The following SRGAP2B variants were observed in gnomAD, a reference collection of about 807,000 sequenced individuals.
The protein encoded by SRGAP2B is SLIT-ROBO Rho GTPase-activating protein 2B.
In SRGAP2B, 9 loss-of-function variants were observed where a neutral mutation model predicts 22.2. That is an observed-to-expected ratio of 0.41 (90% CI 0.24 to 0.71). The LOEUF (loss-of-function observed/expected upper bound fraction) is 0.71, where lower values mean the gene tolerates loss of function less well. Ranked by LOEUF, SRGAP2B falls within the 30% of genes least tolerant of loss-of-function variation. The pLI, the probability that SRGAP2B is intolerant of heterozygous loss-of-function variation, is 0.35. For missense variants in SRGAP2B, 114 were observed against 235.8 expected, an observed-to-expected ratio of 0.48 and a Z score of 3.38; for synonymous variants, 36 against 87.4, an observed-to-expected ratio of 0.41 and a Z score of 3.28.
In SRGAP2B at chr1:145,011,534, A is replaced by T. The variant is rs1424146604; in HGVS notation, c.68-16334T>A. ...CCTGAACCTGAACTCTTGACACCCCATCCTGACCACACCCCAGCACGTTCC... is the reference window on the plus strand; with the variant it reads ...CCTGAACCTGAACTCTTGACACCCCTTCCTGACCACACCCCAGCACGTTCC... On this transcript the variant is annotated intron_variant, in intron 2 of 9. Coordinates refer to ENST00000612199, the Ensembl canonical transcript of SRGAP2B. 5.3e-5 allele frequency among the ~76,000 whole-genome samples: 8 copies of T among 150,392 alleles called. 1 individual carries two copies. The highest frequency in any genetic ancestry group is 1.8e-4 in the African/African-American group (7 of 39,904).
chr1:144,921,024 G>A (rs1218098140), intron 4 of SRGAP2B, among the ~76,000 whole-genome samples: 1 of 149,300 alleles, frequency 6.7e-6, no homozygotes, highest in Non-Finnish European at 1.5e-5. Flanking sequence ...TTAAGTGTCA[G>A]GCACTTGTGG....
chr1:144,974,128 G>A (rs587648373), intron 3 of SRGAP2B, among the ~76,000 whole-genome samples: 1 of 150,170 alleles, frequency 6.7e-6, no homozygotes, highest in African/African-American at 2.5e-5. Context: ...CCATCCTGAT[G>A]GTTAAACCTA....
intron 2 of SRGAP2B, among the ~76,000 whole-genome samples, chr1:144,999,182 G>A (rs1404744546): frequency 2.0e-5 from 3 of 150,974 alleles, no homozygotes; most frequent in Non-Finnish European, 2.9e-5. Flanking sequence ...TTTACAGTTG[G>A]ATGAGAATAC....
At chr1:145,011,879 T>C (rs2102243226) in intron 2 of SRGAP2B, among the ~76,000 whole-genome samples, 1 of 150,674 alleles carries the variant, frequency 6.6e-6, no homozygotes, top group South Asian at 2.1e-4. Flanking sequence ...AGCTAACGGC[T>C]TTCCAAAACC....
At chr1:145,025,817 G>A (rs1647659201) in intron 2 of SRGAP2B, among the ~76,000 whole-genome samples, 1 of 148,746 alleles carries the variant, frequency 6.7e-6, no homozygotes, top group Non-Finnish European at 1.5e-5. Flanking sequence ...AACTGTCTAT[G>A]ATAAGCATGT....
chr1:144,896,412 A>G (rs1192304597), intron 8 of SRGAP2B, among the ~76,000 whole-genome samples: 48 of 132,102 alleles, frequency 3.6e-4, no homozygotes, highest in African/African-American at 1.3e-3. Flanking sequence ...TTTTTATTCT[A>G]GTCACTGGAG....
At chr1:145,067,228 G>T (rs1313564350) in intron 2 of SRGAP2B, among the ~76,000 whole-genome samples, 8 of 147,510 alleles carry the variant, frequency 5.4e-5, no homozygotes, top group African/African-American at 2.1e-4. Context: ...GGCAGAGGTT[G>T]CAGTGAGCTG....
At chr1:145,019,218 G>C (rs1409940742) in intron 2 of SRGAP2B, among the ~76,000 whole-genome samples, 3 of 145,296 alleles carry the variant, frequency 2.1e-5, no homozygotes, top group African/African-American at 8.0e-5. Context: ...AGGTGTGGTG[G>C]TGCATGTCTG....
chr1:145,005,942 TG>T (rs1553620996), intron 2 of SRGAP2B, among the ~76,000 whole-genome samples: 1 of 150,474 alleles, frequency 6.6e-6, no homozygotes, highest in African/African-American at 2.5e-5. Context: ...ATTGAGGGCC[TG>T]CTCTGCCAGA....
chr1:144,973,243 A>T (rs1477099000), intron 3 of SRGAP2B, among the ~76,000 whole-genome samples: 1 of 147,914 alleles, frequency 6.8e-6, no homozygotes, highest in Non-Finnish European at 1.5e-5. Context: ...TGTAGTATAA[A>T]ATATGGAGAT....
rs9286579 is a variant in SRGAP2B, at chr1:145,080,840, G to C, written c.67+11995C>G. Among the ~76,000 whole-genome samples, 324 of 149,438 alleles carry C rather than the reference G, an allele frequency of 2.2e-3. 4 individuals are homozygous for C. Among genetic ancestry groups the C allele is most frequent in the South Asian group, 4.6e-3 (22 of 4,732 alleles). ...AAAGTGCTGGGATTACAGGCTTGAG[G>C]CACCCAGCCAGGCCGATCTTCAACG... On this transcript the variant is annotated intron_variant, in intron 2 of 9. Coordinates refer to ENST00000612199, the Ensembl canonical transcript of SRGAP2B.
At chr1:145,017,126 C>T (rs1486604622) in intron 2 of SRGAP2B, among the ~76,000 whole-genome samples, 1 of 139,330 alleles carries the variant, frequency 7.2e-6, no homozygotes, top group Admixed American at 7.2e-5. Flanking sequence ...GACAGGATTT[C>T]GCTATGTTGG....
intron 2 of SRGAP2B, among the ~76,000 whole-genome samples, chr1:145,067,247 C>T (rs1372141906): frequency 6.8e-6 from 1 of 147,068 alleles, no homozygotes; most frequent in East Asian, 2.0e-4. Context: ...TGAGATCACG[C>T]CATTGCACTC....
At chr1:144,906,192 C>T (rs2101701781) in intron 5 of SRGAP2B, 118 bp from the exon 6 acceptor site, 1 of 612,726 alleles carries the variant, frequency 1.6e-6, no homozygotes, top group Non-Finnish European at 2.9e-6. Flanking sequence ...CCTCACACCC[C>T]TAAGGGAAAA....
exon 3 of SRGAP2B, chr1:144,995,081 A>T (rs1553618228): frequency 6.5e-7 from 1 of 1,536,780 alleles, no homozygotes; most frequent in Non-Finnish European, 8.8e-7. Context: ...TTGCGGGAGT[A>T]GTCCATCTCA....
intron 2 of SRGAP2B, among the ~76,000 whole-genome samples, chr1:144,998,284 C>G (rs1362717193): frequency 6.9e-5 from 4 of 58,052 alleles, no homozygotes; most frequent in African/African-American, 2.4e-4. Flanking sequence ...CCAGCTAGCT[C>G]TGTTTCAATC....
rs879999358 is a variant in SRGAP2B, at chr1:145,076,431, G to A, written c.67+16404C>T. Among the ~76,000 whole-genome samples, 8 of 149,734 alleles carry A rather than the reference G, an allele frequency of 5.3e-5. 1 individual carries two copies. The highest frequency in any genetic ancestry group is 2.7e-4 in the Admixed American group (4 of 15,014). ...AAAATAGGAAACAACCCATATGTCC[G>A]AACCATCATACATTCATACCATAGA... On this transcript the variant is annotated intron_variant, in intron 2 of 9. Coordinates refer to ENST00000612199, the Ensembl canonical transcript of SRGAP2B.
At chr1:144,970,637 T>G (rs1352382848) in intron 3 of SRGAP2B, among the ~76,000 whole-genome samples, 1 of 34,754 alleles carries the variant, frequency 2.9e-5, no homozygotes, top group Non-Finnish European at 5.1e-5. Flanking sequence ...CCCTAAAACT[T>G]AAAGTATTAA....
At chr1:144,968,776 A>T (rs1346379234) in intron 3 of SRGAP2B, among the ~76,000 whole-genome samples, 2 of 108,212 alleles carry the variant, frequency 1.8e-5, no homozygotes, top group Non-Finnish European at 3.6e-5. Flanking sequence ...CCTTAAGCTG[A>T]TAAGCAACTT....
Sources: allele counts gnomAD v4.1 joint callset (sites outside exome capture counted in the v4.1 genomes callset), GRCh38; gene constraint gnomAD v4.1.1; transcripts MANE v1.5; gene names NCBI Gene and HGNC (gene_info 2026-07-23, HGNC 2026-07-21).